The following ENPP6 variants were observed in gnomAD, a reference collection of about 807,000 sequenced individuals.
The protein encoded by ENPP6 is glycerophosphocholine cholinephosphodiesterase ENPP6.
ENPP6 carries 32 observed loss-of-function variants against 42.0 expected under a neutral mutation model. The ratio of observed to expected loss-of-function variants is 0.76; its 90% CI spans 0.58 to 1.02. ENPP6 has a LOEUF of 1.02. Among genes scored for constraint, ENPP6 ranks in the 50% least tolerant of loss-of-function variants. The probability of loss-of-function intolerance (pLI) is 0.00; values close to 1 mark genes in which losing one functional copy is unlikely to be tolerated. For synonymous variants in ENPP6, 213 were observed against 216.0 expected (o/e 0.99, Z 0.12); for missense variants, 552 against 566.8 (o/e 0.97, Z 0.27).
chr4:184,134,714 T>C (rs1736703775), intron 2 of ENPP6, among the ~76,000 whole-genome samples: 2 of 152,008 alleles, frequency 1.3e-5, no homozygotes, highest in African/African-American at 4.8e-5. Flanking sequence ...TTGTTGTATG[T>C]TTATTTTCTA....
chr4:184,104,791 C>T (rs1462623838), intron 6 of ENPP6, among the ~76,000 whole-genome samples: 1 of 152,224 alleles, frequency 6.6e-6, no homozygotes, highest in African/African-American at 2.4e-5. Flanking sequence ...CACCCACTAA[C>T]ATCTACTGAG....
At chr4:184,207,206 T>TAGATAAAATAAA (rs1733015784) in intron 1 of ENPP6, among the ~76,000 whole-genome samples, 1 of 152,278 alleles carries the variant, frequency 6.6e-6, no homozygotes, top group South Asian at 2.1e-4. Context: ...CTTGGTAGTT[T>TAGATAAAATAAA]ACTGGCAGTA....
At chr4:184,189,558 T>C (rs780711903) in intron 1 of ENPP6, among the ~76,000 whole-genome samples, 1 of 152,144 alleles carries the variant, frequency 6.6e-6, no homozygotes, top group Non-Finnish European at 1.5e-5. Context: ...TGAACGGGGC[T>C]CATGACCAAT....
rs149072253 is a variant in ENPP6, at chr4:184,217,315, G to A, written c.241+264C>T. On this transcript the variant is annotated intron_variant, in intron 1 of 7. Coordinates refer to ENST00000296741, the MANE Select transcript of ENPP6 (RefSeq NM_153343.4). Reference sequence around the variant, plus strand: ...AAAATAAACGACCACTTTTAATATCGTCAAATATCATGTACTGCTATAGTT... The same window carrying A: ...AAAATAAACGACCACTTTTAATATCATCAAATATCATGTACTGCTATAGTT... 2.7e-3 allele frequency among the ~76,000 whole-genome samples: 406 copies of A among 152,224 alleles called. 2 individuals are homozygous for A. Among genetic ancestry groups the A allele is most frequent in the African/African-American group, 9.2e-3 (382 of 41,526 alleles).
Position 184,161,439 on chromosome 4 carries a change from G to T in ENPP6, c.242-7706C>A, listed in dbSNP as rs1042101923. 1.2e-4 allele frequency among the ~76,000 whole-genome samples: 18 copies of T among 152,344 alleles called. 1 individual carries two copies. The highest frequency in any genetic ancestry group is 4.1e-4 in the African/African-American group (17 of 41,572). On this transcript the variant is annotated intron_variant, in intron 1 of 7. Transcript: ENST00000296741. ...ACACTTTTACACTGTTGGTGGGAAT[G>T]TAAACTAGTACAGCCACTGTGGAAA...
At chr4:184,177,487 C>G (rs1301134623) in intron 1 of ENPP6, among the ~76,000 whole-genome samples, 1 of 152,216 alleles carries the variant, frequency 6.6e-6, no homozygotes, top group African/African-American at 2.4e-5. Flanking sequence ...CCTTCCAGCA[C>G]AGTGCACCCC....
intron 1 of ENPP6, among the ~76,000 whole-genome samples, chr4:184,203,513 T>C (rs1314607327): frequency 1.3e-5 from 2 of 152,128 alleles, no homozygotes; most frequent in African/African-American, 4.8e-5. Context: ...AGGTGGGCCC[T>C]AATTCAATAT....
intron 1 of ENPP6, among the ~76,000 whole-genome samples, chr4:184,202,862 C>A (rs562603327): frequency 5.1e-4 from 77 of 152,358 alleles, no homozygotes; most frequent in Middle Eastern, 6.8e-3. Context: ...TACACTCTTA[C>A]TAATGGTGAG....
intron 2 of ENPP6, among the ~76,000 whole-genome samples, chr4:184,151,990 T>C (rs979180975): frequency 6.6e-6 from 1 of 152,230 alleles, no homozygotes; most frequent in African/African-American, 2.4e-5. Context: ...GTGGCTGCTA[T>C]GGAAGGAATC....
intron 1 of ENPP6, among the ~76,000 whole-genome samples, chr4:184,163,665 A>C (rs1455117114): frequency 6.6e-6 from 1 of 152,260 alleles, no homozygotes. Context: ...CCTCAATTGC[A>C]TGAACGCTTT....
At chr4:184,200,672 C>G (rs957482206) in intron 1 of ENPP6, among the ~76,000 whole-genome samples, 1 of 152,238 alleles carries the variant, frequency 6.6e-6, no homozygotes, top group Non-Finnish European at 1.5e-5. Flanking sequence ...CCTCTGCCCC[C>G]TTTCCCTGCC....
rs560442054 is a variant in ENPP6, at chr4:184,109,228, A to C, written c.993+3444T>G. Among the ~76,000 whole-genome samples, 4 of 139,908 alleles carry C rather than the reference A, an allele frequency of 2.9e-5. No individual in the cohort carries two copies. In the South Asian group the frequency reaches 9.5e-4, roughly 33 times the overall value. The allele number at this position is 139,908 out of a possible 152,430, so 91.8% of individuals were successfully genotyped here. A position where few individuals can be genotyped will look rare whatever the true frequency, so the allele number is the denominator to read the frequency against. On this transcript the variant is annotated intron_variant, in intron 6 of 7. Transcript: ENST00000296741. ...TCCATCTCAAAAACAAAACAACAAC[A>C]ACAACAAAAAAAAACAAAACAAACA...
rs1035941780 is a variant in ENPP6 at position 184,117,998 on chromosome 4, C to A, written c.534-98G>T. 2.1e-6 allele frequency: 3 copies of A among 1,441,676 alleles called. No individual in the cohort carries two copies. In the East Asian group the frequency reaches 7.5e-5, roughly 36 times the overall value. 89.3% of individuals were successfully genotyped at this position (1,441,676 alleles called of 1,614,324 possible). ...ACTCTCTGAAGGTGTTCACGCCCCCCGAAACCTTGTCCCTGGGCCAGACAA... is the reference window on the plus strand; with the variant it reads ...ACTCTCTGAAGGTGTTCACGCCCCCAGAAACCTTGTCCCTGGGCCAGACAA... On this transcript the variant is annotated intron_variant, in intron 3 of 7. Coordinates refer to ENST00000296741, the MANE Select transcript of ENPP6 (RefSeq NM_153343.4).
chr4:184,130,145 C>T (rs1736570303), intron 2 of ENPP6, among the ~76,000 whole-genome samples: 1 of 152,174 alleles, frequency 6.6e-6, no homozygotes, highest in Non-Finnish European at 1.5e-5. Flanking sequence ...CTACTCTCTT[C>T]TCCAGTTTGG....
At chr4:184,177,131 G>A (rs2111097439) in intron 1 of ENPP6, among the ~76,000 whole-genome samples, 1 of 152,278 alleles carries the variant, frequency 6.6e-6, no homozygotes, top group Non-Finnish European at 1.5e-5. Flanking sequence ...ACAGGGGGAG[G>A]GGTTGCCACC....
At chr4:184,190,310 A>G (rs550617819) in intron 1 of ENPP6, among the ~76,000 whole-genome samples, 16 of 152,346 alleles carry the variant, frequency 1.1e-4, no homozygotes, top group African/African-American at 3.6e-4. Flanking sequence ...AATATTTGAC[A>G]GAGTTTGCAA....
chr4:184,207,233 C>T (rs1275872013), intron 1 of ENPP6, among the ~76,000 whole-genome samples: 1 of 152,230 alleles, frequency 6.6e-6, no homozygotes, highest in Non-Finnish European at 1.5e-5. Flanking sequence ...AAATTCTAGA[C>T]TGGCTTCCCC....
chr4:184,113,949 T>TTCTC (rs1553995060), intron 5 of ENPP6, among the ~76,000 whole-genome samples: 1 of 147,676 alleles, frequency 6.8e-6, no homozygotes, highest in Non-Finnish European at 1.5e-5. Context: ...CTTTCTTTCT[T>TTCTC]TCTTTCTTTC....
intron 2 of ENPP6, among the ~76,000 whole-genome samples, chr4:184,129,302 AC>A: frequency 6.6e-6 from 1 of 151,200 alleles, no homozygotes; most frequent in East Asian, 1.9e-4. Flanking sequence ...ACACACACAC[AC>A]ACACACACAC....
Sources: gnomAD v4.1 joint callset for allele counts (sites outside exome capture counted in the v4.1 genomes callset) on GRCh38, gnomAD v4.1.1 for gene constraint, MANE v1.5 for transcripts, NCBI Gene and HGNC (gene_info 2026-07-23, HGNC 2026-07-21) for gene names.